Variants in RYR3 observed in about 807,000 individuals in gnomAD.
The protein encoded by RYR3 is brain ryanodine receptor-calcium release channel.
In RYR3, 207 loss-of-function variants were observed where a neutral mutation model predicts 584.3. The ratio of observed to expected loss-of-function variants is 0.35; its 90% CI spans 0.32 to 0.40. The LOEUF (loss-of-function observed/expected upper bound fraction) is 0.40, where lower values mean the gene tolerates loss of function less well. RYR3 is among the 10% of genes least tolerant of loss of function. The pLI, the probability that RYR3 is intolerant of heterozygous loss-of-function variation, is 1.00. For synonymous variants in RYR3, 2,416 were observed against 2,248.5 expected, an observed-to-expected ratio of 1.07 and a Z score of -2.11; for missense variants, 5,616 against 6,089.2, an observed-to-expected ratio of 0.92 and a Z score of 2.59.
At chr15:33,367,275 C>G (rs1371121540) in intron 1 of RYR3, among the ~76,000 whole-genome samples, 2 of 152,176 alleles carry the variant, frequency 1.3e-5, no homozygotes, top group African/African-American at 4.8e-5. Context: ...CAAGAAAAGA[C>G]TATAGTGACC....
chr15:33,581,100 A>G (rs2058567620), intron 13 of RYR3, among the ~76,000 whole-genome samples: 1 of 152,062 alleles, frequency 6.6e-6, no homozygotes, highest in Non-Finnish European at 1.5e-5. Context: ...TCTGAATGGA[A>G]CTTGAACTTA....
At chr15:33,636,806 T>C (rs1048732526) in intron 27 of RYR3, among the ~76,000 whole-genome samples, 9 of 152,244 alleles carry the variant, frequency 5.9e-5, no homozygotes, top group African/African-American at 2.2e-4. Context: ...TTCCCTCCCC[T>C]GTGTCTTGGC....
At chr15:33,647,532 G>A in intron 30 of RYR3, 72 bp downstream of exon 30, 1 of 1,086,458 alleles carries the variant, frequency 9.2e-7, no homozygotes, top group Admixed American at 1.8e-5. Context: ...GCCCCTTACA[G>A]CAAAGATCCG....
At chr15:33,772,611 G>T (rs2073662313) in intron 63 of RYR3, among the ~76,000 whole-genome samples, 3 of 152,148 alleles carry the variant, frequency 2.0e-5, no homozygotes, top group Admixed American at 1.3e-4. Context: ...GACCAAAGTT[G>T]GTTGGTTTTA....
At chr15:33,521,439 T>C (rs1312393525) in intron 3 of RYR3, among the ~76,000 whole-genome samples, 1 of 152,166 alleles carries the variant, frequency 6.6e-6, no homozygotes, top group Admixed American at 6.5e-5. Flanking sequence ...AAAATAATTC[T>C]AGGCACTTCC....
intron 1 of RYR3, among the ~76,000 whole-genome samples, chr15:33,331,460 G>A (rs565720605): frequency 9.9e-5 from 15 of 152,182 alleles, no homozygotes; most frequent in African/African-American, 2.4e-4. Context: ...TTTTGGTAGC[G>A]AATTAATTGT....
intron 1 of RYR3, among the ~76,000 whole-genome samples, chr15:33,357,890 C>T (rs902893894): frequency 2.6e-5 from 4 of 152,164 alleles, no homozygotes; most frequent in African/African-American, 4.8e-5. Context: ...GAATGGCAAA[C>T]TTACGTTGGA....
At chr15:33,357,757 T>G (rs1234070452) in intron 1 of RYR3, among the ~76,000 whole-genome samples, 1 of 152,196 alleles carries the variant, frequency 6.6e-6, no homozygotes, top group Non-Finnish European at 1.5e-5. Context: ...GTTCCTTCAT[T>G]AATTGGACAT....
intron 2 of RYR3, among the ~76,000 whole-genome samples, chr15:33,502,878 G>A (rs1449551633): frequency 2.6e-5 from 4 of 152,136 alleles, no homozygotes; most frequent in Admixed American, 2.6e-4. Flanking sequence ...TTATAGGATG[G>A]TTGTGAAGAT....
intron 60 of RYR3, among the ~76,000 whole-genome samples, chr15:33,761,889 A>G (rs1309211307): frequency 6.6e-6 from 1 of 152,232 alleles, no homozygotes; most frequent in Admixed American, 6.5e-5. Context: ...ATCCAGCAGC[A>G]CATCAAAAAG....
chr15:33,619,800 C>T (rs2060626244), intron 19 of RYR3, among the ~76,000 whole-genome samples: 1 of 152,114 alleles, frequency 6.6e-6, no homozygotes, highest in African/African-American at 2.4e-5. Context: ...AGTTGAGACC[C>T]AGGGAGAGAT....
At chr15:33,434,320 C>T (rs1411277340) in intron 1 of RYR3, among the ~76,000 whole-genome samples, 2 of 151,976 alleles carry the variant, frequency 1.3e-5, no homozygotes, top group South Asian at 2.1e-4. Flanking sequence ...AAATCACCTC[C>T]GTTGTCTTGG....
At position 33,369,185 on chromosome 15, in the gene RYR3, C is replaced by T. The variant is rs564856201; in HGVS notation, c.51+58089C>T. ...GTGGTCATTTGCCAAAGGCCACACA[C>T]CTAGAAAGTGGCAGAACCAGGCAGC... On this transcript the variant is annotated intron_variant, in intron 1 of 103. Transcript: ENST00000634891. Among the ~76,000 whole-genome samples the T allele has an allele frequency of 7.2e-5, 11 of 152,312 alleles. 1 individual carries two copies. In the East Asian group the frequency reaches 2.1e-3, roughly 29 times the overall value.
At chr15:33,510,759 G>T (rs1416616806) in intron 3 of RYR3, among the ~76,000 whole-genome samples, 1 of 151,956 alleles carries the variant, frequency 6.6e-6, no homozygotes, top group Non-Finnish European at 1.5e-5. Context: ...AAGTTTCAAT[G>T]TGTTTTTTTC....
At chr15:33,664,205 G>A (rs1047509557) in intron 36 of RYR3, among the ~76,000 whole-genome samples, 2 of 152,094 alleles carry the variant, frequency 1.3e-5, no homozygotes, top group Non-Finnish European at 2.9e-5. Flanking sequence ...CCGGTGGCAC[G>A]ACTCTCTCAC....
intron 1 of RYR3, among the ~76,000 whole-genome samples, chr15:33,368,338 C>CTGTTTTT (rs1975795563): frequency 1.2e-5 from 1 of 85,824 alleles, no homozygotes; most frequent in Non-Finnish European, 2.1e-5. Context: ...GCCTTCCTGT[C>CTGTTTTT]TTTTTTTTTT....
At chr15:33,784,735 C>G (rs1186887144) in intron 65 of RYR3, among the ~76,000 whole-genome samples, 1 of 152,196 alleles carries the variant, frequency 6.6e-6, no homozygotes, top group Non-Finnish European at 1.5e-5. Flanking sequence ...CGTCCCTCCA[C>G]TCAGAGCCCT....
At chr15:33,470,653 G>GT (rs933640005) in intron 1 of RYR3, among the ~76,000 whole-genome samples, 4 of 152,174 alleles carry the variant, frequency 2.6e-5, no homozygotes, top group African/African-American at 9.7e-5. Flanking sequence ...ATCATTCTAG[G>GT]TTATGACATG....
At chr15:33,606,239 A>C (rs985854651) in intron 18 of RYR3, among the ~76,000 whole-genome samples, 12 of 152,198 alleles carry the variant, frequency 7.9e-5, no homozygotes, top group Non-Finnish European at 1.5e-4. Flanking sequence ...TAAGATTCTT[A>C]TGAAATTTAA....
Sources: allele counts gnomAD v4.1 joint callset (sites outside exome capture counted in the v4.1 genomes callset), GRCh38; gene constraint gnomAD v4.1.1; transcripts MANE v1.5; gene names NCBI Gene and HGNC (gene_info 2026-07-23, HGNC 2026-07-21).